Variants in SALL4 observed in about 807,000 individuals in gnomAD.
SALL4 encodes the protein sal-like protein 4.
A neutral mutation model predicts 60.8 loss-of-function variants in SALL4; 4 were observed. The ratio of observed to expected loss-of-function variants is 0.07; its 90% CI spans 0.03 to 0.15. The LOEUF (loss-of-function observed/expected upper bound fraction) is 0.15. Among genes scored for constraint, SALL4 ranks in the 10% least tolerant of loss-of-function variants. The pLI is 1.00. For synonymous variants in SALL4, 580 were observed against 574.9 expected, an observed-to-expected ratio of 1.01 and a Z score of -0.13; for missense variants, 1,178 against 1,394.7, an observed-to-expected ratio of 0.84 and a Z score of 2.48.
chr20:51,796,211 A>G (rs79508340), intron 1 of SALL4, among the ~76,000 whole-genome samples: 1 of 147,986 alleles, frequency 6.8e-6, no homozygotes, highest in East Asian at 1.9e-4. Context: ...AAAAAAAAAA[A>G]AAGAAAGAAA....
At chr20:51,786,664 T>C (rs917548567) in intron 3 of SALL4, among the ~76,000 whole-genome samples, 1 of 152,260 alleles carries the variant, frequency 6.6e-6, no homozygotes, top group Non-Finnish European at 1.5e-5. Context: ...ATCTTGATTA[T>C]GCTACAATGT....
rs533345789 is a variant in SALL4, at chr20:51,797,077, A to T, written c.131-4725T>A. On this transcript the variant is annotated intron_variant, in intron 1 of 3. Transcript: ENST00000217086. ...TGAACTAAAATTCAACCTTTCTTTC[A>T]ATGATGAATATAAGCAACATACCAC... is the stretch of plus-strand genomic sequence containing the variant. 4.6e-5 allele frequency among the ~76,000 whole-genome samples: 7 copies of T among 152,192 alleles called. No homozygotes were observed. In the South Asian group the frequency reaches 1.5e-3, roughly 32 times the overall value.
At position 51,782,605 on chromosome 20, in the gene SALL4, G is replaced by A. The variant is rs887479043; in HGVS notation, c.*1660C>T. On this transcript the variant is annotated 3_prime_UTR_variant, in exon 4 of 4. Transcript: ENST00000217086. ...GCGGAATCCTAAAGTCAGGTGCAAC[G>A]ATGAAGAGACAACACTTTGGCTAAT... is the stretch of plus-strand genomic sequence containing the variant. 15 of 145,464 alleles carry A rather than the reference G, an allele frequency of 1.0e-4. No individual in the cohort carries two copies. Among genetic ancestry groups the A allele is most frequent in the African/African-American group, 3.8e-4 (15 of 39,090 alleles). 9.0% of individuals were successfully genotyped at this position (145,464 alleles called of 1,614,324 possible).
chr20:51,802,182 G>T, intron 1 of SALL4, 97 bp downstream of exon 1: 1 of 1,431,376 alleles, frequency 7.0e-7, no homozygotes. Flanking sequence ...CTGAATTTGC[G>T]CTGGACGCCG....
In SALL4 at chr20:51,791,149, A is replaced by G. The variant is rs1192673840; in HGVS notation, c.1334T>C (p.Phe445Ser). ...VKANPQLFAEFQDKVAAGNGI... is the reference protein window; with the variant it reads ...VKANPQLFAESQDKVAAGNGI... Reference sequence around the variant, plus strand: ...ATTGCCGGCCGCCACTTTGTCCTGGAACTCGGCAAACAGCTGGGGGTTTGC... The same window carrying G: ...ATTGCCGGCCGCCACTTTGTCCTGGGACTCGGCAAACAGCTGGGGGTTTGC... The change falls in exon 2 of 4, where the codon TTC becomes TCC. Residue 445 changes from phenylalanine to serine, a missense_variant. By Grantham distance (155) the Phe-to-Ser change is radical. Around this residue, in one of 5 missense-constraint regions of SALL4, gnomAD observed 853 missense variants for 1,036.8 expected, o/e 0.82. Transcript: ENST00000217086. The surrounding 1 kb of genome is among the most constrained non-coding windows in gnomAD (Gnocchi z 4.6). 3.1e-6 allele frequency: 5 copies of G among 1,614,150 alleles called. No homozygotes were observed. The highest frequency in any genetic ancestry group is 4.2e-6 in the Non-Finnish European group (5 of 1,180,042).
chr20:51,786,805 A>T (rs796728762), intron 3 of SALL4, among the ~76,000 whole-genome samples: 3 of 152,232 alleles, frequency 2.0e-5, no homozygotes, highest in Non-Finnish European at 2.9e-5. Context: ...AGTTAAAAAC[A>T]ATTTGTGGGC....
intron 1 of SALL4, among the ~76,000 whole-genome samples, chr20:51,795,949 C>T (rs1568868234): frequency 6.6e-6 from 1 of 152,028 alleles, no homozygotes; most frequent in Admixed American, 6.6e-5. Flanking sequence ...AATCCCAGCA[C>T]TTTGGGAGGC....
At position 51,802,308 on chromosome 20, in the gene SALL4, G is replaced by A. The variant is rs1245334387; in HGVS notation, c.101C>T (p.Ala34Val). 2 of 1,609,124 alleles carry A rather than the reference G, an allele frequency of 1.2e-6. No homozygotes were observed. Among genetic ancestry groups the A allele is most frequent in the Non-Finnish European group, 1.7e-6 (2 of 1,179,074 alleles). ...CTCCCCCGCCGCGGGCGCCGCTGGG[G>A]CCGCATCTGCAAACTCCGGGGTCTG... is the stretch of plus-strand genomic sequence containing the variant. ...QQQTPEFADAAPAAPAAGELG... is the reference protein window; with the variant it reads ...QQQTPEFADAVPAAPAAGELG... Residue 34 changes from alanine (A) to valine (V), a missense_variant, in exon 1 of 4, where the codon GCC becomes GTC. Around this residue, in one of 5 missense-constraint regions of SALL4, gnomAD observed 108 missense variants for 95.7 expected, o/e 1.13. Coordinates refer to ENST00000217086, the MANE Select transcript of SALL4 (RefSeq NM_020436.5).
chr20:51,791,417 A>T lies in SALL4; in HGVS notation c.1066T>A (p.Ser356Thr). The T allele has an allele frequency of 6.2e-7, 1 of 1,614,014 alleles. No individual in the cohort carries two copies. Among genetic ancestry groups the T allele is most frequent in the South Asian group, 1.1e-5 (1 of 91,062 alleles). The stretch of plus-strand genomic sequence containing the variant: ...GGTGGCTTCCCCTTCCCTTTCTTGG[A>T]TGTGTCTAGCGCCACAGTGGAGAAA... Reference protein sequence around the residue: ...SPFSTVALDTSKKGKGKPPNI... With the variant: ...SPFSTVALDTTKKGKGKPPNI... Residue 356 changes from serine (S) to threonine (T), a missense_variant, in exon 2 of 4, where the codon TCC (serine) becomes ACC (threonine). Ser to Thr is a moderately conservative substitution (Grantham distance 58). Transcript: ENST00000217086. The surrounding 1 kb of genome is among the most constrained non-coding windows in gnomAD (Gnocchi z 4.6).
In SALL4 at chr20:51,784,613, G is replaced by A; in HGVS notation, c.2814C>T (p.Thr938=). The A allele has an allele frequency of 2.5e-6, 4 of 1,614,178 alleles. No homozygotes were observed. The highest frequency in any genetic ancestry group is 3.4e-6 in the Non-Finnish European group (4 of 1,180,026). The change falls in exon 4 of 4, where the codon ACC becomes ACT. Residue 938 remains threonine (T), a synonymous_variant. Coordinates refer to ENST00000217086, the MANE Select transcript of SALL4 (RefSeq NM_020436.5). ...RRGRKLAIEN[T]MALLGTDGKR... ...TTCCGTCCGTACCTAACAGAGCCAT[G>A]GTGTTCTCGATGGCCAACTTCCTTC...
chr20:51,787,337 T>C (rs1173034205), intron 3 of SALL4, among the ~76,000 whole-genome samples: 1 of 151,896 alleles, frequency 6.6e-6, no homozygotes, highest in Non-Finnish European at 1.5e-5. Flanking sequence ...GGCAGGAGAA[T>C]TGCTTGAACC....
Position 51,790,602 on chromosome 20 carries a change from C to T in SALL4, c.1881G>A (p.Ser627=), listed in dbSNP as rs779772588. Residue 627 remains serine (S), a synonymous_variant, in exon 2 of 4, where the codon TCG becomes TCA. Transcript: ENST00000217086. This position sits in a 1 kb window ranked among gnomAD's most constrained non-coding sequence, Gnocchi z 5.5. ...TGAACTTCTTCTGGCAGATGGGGCACGAATGCTGCGTCTTAATGGATGTGT... is the reference window on the plus strand; with the variant it reads ...TGAACTTCTTCTGGCAGATGGGGCATGAATGCTGCGTCTTAATGGATGTGT... The part of the protein sequence containing the change: ...RTNTSIKTQH[S]CPICQKKFTN... 6.8e-6 allele frequency: 11 copies of T among 1,613,966 alleles called. No individual in the cohort carries two copies. Among genetic ancestry groups the T allele is most frequent in the East Asian group, 4.5e-5 (2 of 44,872 alleles).
In SALL4 at chr20:51,802,382, G is replaced by A. The variant is rs1242251344; in HGVS notation, c.27C>T (p.Pro9=). The A allele has an allele frequency of 1.2e-6, 2 of 1,611,876 alleles. No homozygotes were observed. Among genetic ancestry groups the A allele is most frequent in the Non-Finnish European group, 1.7e-6 (2 of 1,179,892 alleles). Residue 9 remains proline, a synonymous_variant, in exon 1 of 4, where the codon CCC becomes CCT. Coordinates refer to ENST00000217086, the MANE Select transcript of SALL4 (RefSeq NM_020436.5). ...GGTCCTCCTCCGAGTTGATGTGCTG[G>A]GGTTTCGCCTGCTTGCGCCTCGACA... MSRRKQAK[P]QHINSEEDQG...
Position 51,784,136 on chromosome 20 carries a change from A to G in SALL4, c.*129T>C. 1.8e-6 allele frequency: 2 copies of G among 1,130,360 alleles called. No homozygotes were observed. The highest frequency in any genetic ancestry group is 2.6e-5 in the South Asian group (2 of 77,026). The allele number at this position is 1,130,360 out of a possible 1,614,324, so 70.0% of individuals were successfully genotyped here. On this transcript the variant is annotated 3_prime_UTR_variant, in exon 4 of 4. Coordinates refer to ENST00000217086, the MANE Select transcript of SALL4 (RefSeq NM_020436.5). ...GCACTTGCCTGAGGTTGTGGTCACA[A>G]CCAACGTAGTAAACATCATTTGCAT...
intron 1 of SALL4, among the ~76,000 whole-genome samples, chr20:51,795,355 C>T (rs940489107): frequency 6.6e-6 from 1 of 152,078 alleles, no homozygotes; most frequent in Middle Eastern, 3.4e-3. Flanking sequence ...TGCAGTGAGC[C>T]GAGACAGTGC....
intron 3 of SALL4, among the ~76,000 whole-genome samples, chr20:51,787,966 C>T (rs574488789): frequency 6.6e-6 from 1 of 150,992 alleles, no homozygotes; most frequent in South Asian, 2.1e-4. Flanking sequence ...GGCCTACAGG[C>T]GCATGCCACC....
chr20:51,785,348 G>A (rs145704266), intron 3 of SALL4, among the ~76,000 whole-genome samples: 1 of 152,262 alleles, frequency 6.6e-6, no homozygotes, highest in Non-Finnish European at 1.5e-5. Flanking sequence ...ATGTGATTGA[G>A]CATGTACTGA....
rs1389446205 is a variant in SALL4 at position 51,784,183 on chromosome 20, G to A, written c.*82C>T. ...GCATATCAGTAAGAAAAAGAAAACAGGAGGAGATGAGTTCTTACAAAACAA... is the reference window on the plus strand; with the variant it reads ...GCATATCAGTAAGAAAAAGAAAACAAGAGGAGATGAGTTCTTACAAAACAA... On this transcript the variant is annotated 3_prime_UTR_variant, in exon 4 of 4. Transcript: ENST00000217086. 22 of 1,508,848 alleles carry A rather than the reference G, an allele frequency of 1.5e-5. No individual in the cohort carries two copies. Among genetic ancestry groups the A allele is most frequent in the Non-Finnish European group, 1.7e-5 (19 of 1,090,968 alleles). 93.5% of individuals were successfully genotyped at this position (1,508,848 alleles called of 1,614,324 possible).
Position 51,789,089 on chromosome 20 carries a change from C to T in SALL4, c.2514G>A (p.Lys838=). ...TFIRAPPTYV[K]VEVPGTFVGP... is the part of the protein sequence containing the mutation. ...CCACAAATGTGCCAGGAACTTCAAC[C>T]TTGACATAGGTCGGCGGGGCTCGGA... The change falls in exon 3 of 4, where the codon AAG becomes AAA. Residue 838 remains lysine, a synonymous_variant. Coordinates refer to ENST00000217086, the MANE Select transcript of SALL4 (RefSeq NM_020436.5). 1 of 1,614,206 alleles carries T rather than the reference C, an allele frequency of 6.2e-7. No homozygotes were observed.
Sources: allele counts gnomAD v4.1 joint callset (sites outside exome capture counted in the v4.1 genomes callset), GRCh38; gene constraint gnomAD v4.1.1; regional missense constraint gnomAD v4.1.1; non-coding constraint Gnocchi (gnomAD v3.1); transcripts MANE v1.5; gene names NCBI Gene and HGNC (gene_info 2026-07-23, HGNC 2026-07-21).